XPR1: variants seen among roughly 807,000 people sequenced by gnomAD.
The protein encoded by XPR1 is xenotropic and polytropic retrovirus receptor 1, also known as solute carrier family 53 member 1.
A neutral mutation model predicts 87.5 loss-of-function variants in XPR1; 28 were observed. The ratio of observed to expected loss-of-function variants is 0.32; its 90% CI spans 0.24 to 0.44. The LOEUF is 0.44. XPR1 is among the 20% of genes least tolerant of loss of function. The pLI is 1.00. For missense variants in XPR1, 559 were observed against 862.3 expected (o/e 0.65, Z 4.41); for synonymous variants, 300 against 306.1 (o/e 0.98, Z 0.21).
At chr1:180,652,161 G>A (rs184673093) in intron 1 of XPR1, among the ~76,000 whole-genome samples, 8 of 152,150 alleles carry the variant, frequency 5.3e-5, no homozygotes, top group Admixed American at 2.0e-4. Context: ...GTGTGGTGGC[G>A]GTCACCTGTA....
At chr1:180,728,119 A>G (rs1345545311) in intron 2 of XPR1, among the ~76,000 whole-genome samples, 1 of 152,176 alleles carries the variant, frequency 6.6e-6, no homozygotes, top group East Asian at 1.9e-4. Context: ...TGATATCACC[A>G]GTCTTTCTGT....
At chr1:180,850,337 C>T (rs573174959) in intron 11 of XPR1, among the ~76,000 whole-genome samples, 1 of 152,260 alleles carries the variant, frequency 6.6e-6, no homozygotes, top group Admixed American at 6.5e-5. Context: ...GGCTTTCCTT[C>T]TCTCTGTGCC....
chr1:180,679,772 A>G (rs1272015381), intron 1 of XPR1, among the ~76,000 whole-genome samples: 8 of 152,218 alleles, frequency 5.3e-5, no homozygotes, highest in African/African-American at 1.9e-4. Context: ...TTATAGTCCT[A>G]AACCCTTAGG....
intron 1 of XPR1, among the ~76,000 whole-genome samples, chr1:180,662,808 A>C (rs1329531747): frequency 6.6e-6 from 1 of 152,000 alleles, no homozygotes; most frequent in Non-Finnish European, 1.5e-5. Flanking sequence ...GGCATGCTTT[A>C]CTTTTTTTAT....
chr1:180,671,897 T>G (rs72721000), intron 1 of XPR1, among the ~76,000 whole-genome samples: 1,799 of 152,324 alleles, frequency 0.012, 14 homozygotes, highest in Middle Eastern at 0.024. Context: ...CAATATATTC[T>G]TAAATATTTG....
chr1:180,809,310 G>C (rs1450815618), intron 6 of XPR1, among the ~76,000 whole-genome samples: 1 of 152,148 alleles, frequency 6.6e-6, no homozygotes, highest in South Asian at 2.1e-4. Flanking sequence ...GGAAATTCTT[G>C]GGAGTCGTGG....
At chr1:180,679,962 G>T (rs975507034) in intron 1 of XPR1, among the ~76,000 whole-genome samples, 9 of 151,884 alleles carry the variant, frequency 5.9e-5, no homozygotes, top group Non-Finnish European at 1.2e-4. Context: ...TAAAATGAGA[G>T]AAAATATCTG....
chr1:180,680,398 G>A (rs1331348155), intron 1 of XPR1, among the ~76,000 whole-genome samples: 2 of 117,184 alleles, frequency 1.7e-5, no homozygotes, highest in East Asian at 2.8e-4. Flanking sequence ...GTGGAGTCTC[G>A]CTCTGTCGCC....
intron 1 of XPR1, among the ~76,000 whole-genome samples, chr1:180,643,165 G>A (rs539268375): frequency 1.3e-5 from 2 of 152,256 alleles, no homozygotes; most frequent in South Asian, 4.1e-4. Context: ...AGTGAGGTGT[G>A]TAATCTAGAT....
Position 180,880,190 on chromosome 1 carries a change from C to T in XPR1, c.1923C>T (p.Leu641=). 2 of 1,614,162 alleles carry T rather than the reference C, an allele frequency of 1.2e-6. No homozygotes were observed. Among genetic ancestry groups the T allele is most frequent in the Middle Eastern group, 1.6e-4 (1 of 6,062 alleles). Residue 641 remains leucine (L), a synonymous_variant, in exon 14 of 15, where the codon CTC becomes CTT. Transcript: ENST00000367590. ...CCCTGAACGCAGATGATCAGACTCT[C>T]CTAGAACAGATGATGGACCAGGATG... ...VAPLNADDQT[L]LEQMMDQDDG...
chr1:180,854,224 A>G (rs1299985196), intron 11 of XPR1, among the ~76,000 whole-genome samples: 1 of 152,252 alleles, frequency 6.6e-6, no homozygotes, highest in African/African-American at 2.4e-5. Flanking sequence ...TATTTCCTGT[A>G]AAGGATTACA....
intron 3 of XPR1, among the ~76,000 whole-genome samples, chr1:180,801,306 T>G (rs1172090771): frequency 6.6e-6 from 1 of 151,940 alleles, no homozygotes. Context: ...ATGAAGGGAG[T>G]ATTTTCTGGG....
At chr1:180,665,413 A>C (rs1655924094) in intron 1 of XPR1, among the ~76,000 whole-genome samples, 3 of 152,208 alleles carry the variant, frequency 2.0e-5, no homozygotes, top group South Asian at 4.1e-4. Context: ...CCTGGTTCCT[A>C]ACAGGCCAAA....
chr1:180,761,664 C>T (rs1648036734), intron 2 of XPR1, among the ~76,000 whole-genome samples: 1 of 152,180 alleles, frequency 6.6e-6, no homozygotes, highest in African/African-American at 2.4e-5. Context: ...CACTTTTACA[C>T]TGTTGGTGGG....
chr1:180,865,859 A>G (rs1198600847), intron 12 of XPR1, among the ~76,000 whole-genome samples: 1 of 152,190 alleles, frequency 6.6e-6, no homozygotes, highest in African/African-American at 2.4e-5. Flanking sequence ...ACTTTCCTAC[A>G]TTATAATTTG....
chr1:180,838,960 C>T (rs772370305), intron 11 of XPR1, among the ~76,000 whole-genome samples: 1 of 152,128 alleles, frequency 6.6e-6, no homozygotes, highest in Non-Finnish European at 1.5e-5. Flanking sequence ...ATGTATTACA[C>T]ATTTAATTTT....
chr1:180,721,115 G>A (rs1183279101), intron 2 of XPR1, among the ~76,000 whole-genome samples: 1 of 151,830 alleles, frequency 6.6e-6, no homozygotes, highest in Non-Finnish European at 1.5e-5. Flanking sequence ...CAGCCACTTG[G>A]GAGGCTGAGG....
chr1:180,883,871 C>T (rs147393616), intron 14 of XPR1, 135 bp from the exon 15 acceptor site: 188 of 635,590 alleles, frequency 3.0e-4, no homozygotes, highest in African/African-American at 2.8e-3. Flanking sequence ...TAGAATAATC[C>T]GTCTGGTACA....
Position 180,780,041 on chromosome 1 carries a change from G to A in XPR1, c.122-7712G>A, listed in dbSNP as rs1381023683. Among the ~76,000 whole-genome samples, 5 of 152,148 alleles carry A rather than the reference G, an allele frequency of 3.3e-5. No homozygotes were observed. The East Asian group carries it at 9.7e-4, about 29-fold the overall frequency. On this transcript the variant is annotated intron_variant, in intron 2 of 14. Transcript: ENST00000367590. The stretch of plus-strand genomic sequence containing the variant: ...GTGGCTGAATTATATTCAATTGTAT[G>A]GATATGCTACATTTTGTTTATCCAT...
Sources: allele counts gnomAD v4.1 joint callset (sites outside exome capture counted in the v4.1 genomes callset), GRCh38; gene constraint gnomAD v4.1.1; transcripts MANE v1.5; gene names NCBI Gene and HGNC (gene_info 2026-07-23, HGNC 2026-07-21).